Variants in RARB observed in about 807,000 individuals in gnomAD.
RARB encodes the protein retinoic acid receptor beta.
Under a neutral mutation model 51.9 loss-of-function variants are expected in RARB, and 17 were observed. The ratio of observed to expected loss-of-function variants is 0.33; its 90% confidence interval spans 0.22 to 0.49. The LOEUF is 0.49. Ranked by LOEUF, RARB falls within the 20% of genes least tolerant of loss-of-function variation. RARB has a pLI of 0.99. For missense variants in RARB, 369 were observed against 550.8 expected (o/e 0.67, Z 3.30); for synonymous variants, 215 against 195.4 (o/e 1.10, Z -0.84).
intron 1 of RARB, among the ~76,000 whole-genome samples, chr3:25,449,770 T>C (rs567981744): frequency 7.0e-6 from 1 of 142,232 alleles, no homozygotes; most frequent in South Asian, 2.2e-4. Flanking sequence ...TTTTTTTTTT[T>C]AGACGGAGTC....
rs570391200 is a variant in RARB at position 25,069,918 on chromosome 3, C to T, written c.-328+9742C>T. Among the ~76,000 whole-genome samples, 11 of 152,290 alleles carry T rather than the reference C, an allele frequency of 7.2e-5. 1 individual carries two copies. In the South Asian group the frequency reaches 2.1e-3, roughly 29 times the overall value. ...TGAGGCTGAATTGTCAGTGTAGTTTCCTAGGGCTGTCATGACGAAGTGCCA... is the reference window on the plus strand; with the variant it reads ...TGAGGCTGAATTGTCAGTGTAGTTTTCTAGGGCTGTCATGACGAAGTGCCA... On this transcript the variant is annotated intron_variant, in intron 3 of 11. Coordinates refer to the RARB transcript ENST00000383772.
chr3:25,010,939 G>T (rs905848942), intron 2 of RARB, among the ~76,000 whole-genome samples: 1 of 151,888 alleles, frequency 6.6e-6, no homozygotes, highest in African/African-American at 2.4e-5. Context: ...TGTGACCATC[G>T]AGGCCAAGGC....
chr3:25,254,491 A>G (rs1407067947), intron 5 of RARB, among the ~76,000 whole-genome samples: 1 of 152,228 alleles, frequency 6.6e-6, no homozygotes, highest in Non-Finnish European at 1.5e-5. Context: ...TGCATCAAGA[A>G]TAATGGAACT....
In RARB at chr3:25,153,429, C is replaced by T. The variant is rs146355521; in HGVS notation, c.-279-20690C>T. 5.9e-5 allele frequency among the ~76,000 whole-genome samples: 9 copies of T among 152,190 alleles called. No individual in the cohort carries two copies. In the East Asian group the frequency reaches 9.7e-4, roughly 16 times the overall value. On this transcript the variant is annotated intron_variant, in intron 4 of 11. Coordinates refer to the RARB transcript ENST00000383772. ...AGAGATAATTTCTTTATCGAGTTAC[C>T]GCCATAAAGTACACTGACTTTAGTC...
chr3:25,008,840 A>G (rs1407779163), intron 2 of RARB, among the ~76,000 whole-genome samples: 1 of 152,110 alleles, frequency 6.6e-6, no homozygotes, highest in East Asian at 1.9e-4. Flanking sequence ...AATGGCAAAT[A>G]TTTTGGTCAT....
At chr3:25,541,065 T>A (rs923213955) in intron 3 of RARB, among the ~76,000 whole-genome samples, 1 of 152,236 alleles carries the variant, frequency 6.6e-6, no homozygotes, top group Non-Finnish European at 1.5e-5. Context: ...GTAAATAAAG[T>A]TTTTTTGGAA....
intron 2 of RARB, among the ~76,000 whole-genome samples, chr3:25,055,723 C>G (rs1169651081): frequency 1.3e-5 from 2 of 151,992 alleles, no homozygotes; most frequent in Admixed American, 6.5e-5. Context: ...AGAGTAACTT[C>G]GGTTTGATCC....
At chr3:25,278,462 A>G (rs773277638) in intron 5 of RARB, among the ~76,000 whole-genome samples, 3 of 152,196 alleles carry the variant, frequency 2.0e-5, no homozygotes, top group Admixed American at 6.5e-5. Flanking sequence ...CATGTGGTCT[A>G]TAACAGTGGT....
chr3:24,850,766 CA>C (rs1702544937), intron 1 of RARB, among the ~76,000 whole-genome samples: 1 of 152,124 alleles, frequency 6.6e-6, no homozygotes, highest in Admixed American at 6.5e-5. Context: ...AGAGACTGTT[CA>C]AATGCAGATT....
intron 3 of RARB, among the ~76,000 whole-genome samples, chr3:25,553,628 C>T (rs1056139371): frequency 7.2e-5 from 11 of 152,184 alleles, no homozygotes; most frequent in Admixed American, 5.2e-4. Flanking sequence ...CATGTCGACA[C>T]TCCCTTGGCC....
At chr3:25,328,027 C>A (rs1312867122) in intron 5 of RARB, among the ~76,000 whole-genome samples, 1 of 152,144 alleles carries the variant, frequency 6.6e-6, no homozygotes, top group East Asian at 1.9e-4. Flanking sequence ...AAAACCTTAT[C>A]AAGAATTATA....
chr3:25,517,243 A>G (rs1033427040), intron 3 of RARB, among the ~76,000 whole-genome samples: 6 of 152,366 alleles, frequency 3.9e-5, no homozygotes, highest in East Asian at 1.9e-4. Context: ...GCTGTCTTCA[A>G]TGAATACAAT....
chr3:25,544,014 T>C (rs1699501561), intron 3 of RARB, among the ~76,000 whole-genome samples: 1 of 151,974 alleles, frequency 6.6e-6, no homozygotes, highest in Non-Finnish European at 1.5e-5. Context: ...TAGCATAGAG[T>C]GGGTAATAAA....
At chr3:24,994,691 T>TA (rs1366640194) in intron 2 of RARB, among the ~76,000 whole-genome samples, 3 of 151,982 alleles carry the variant, frequency 2.0e-5, no homozygotes, top group African/African-American at 7.2e-5. Context: ...GAGGGGGACA[T>TA]ATGGTTTCAT....
In RARB at chr3:24,931,239, T is replaced by C. The variant is rs529827419; in HGVS notation, c.-380+72487T>C. 3.9e-5 allele frequency among the ~76,000 whole-genome samples: 6 copies of C among 152,224 alleles called. No homozygotes were observed. The East Asian group carries it at 1.2e-3, about 29-fold the overall frequency. ...TCCATGCATGTATTTTTTAAAAATA[T>C]GTTTTAAATATAAGTGTAGTTTTTA... is the stretch of plus-strand genomic sequence containing the variant. On this transcript the variant is annotated intron_variant, in intron 2 of 11. Transcript: ENST00000383772.
intron 5 of RARB, among the ~76,000 whole-genome samples, chr3:25,288,213 T>G (rs567936676): frequency 1.4e-3 from 211 of 152,244 alleles, no homozygotes; most frequent in African/African-American, 4.8e-3. Flanking sequence ...GTAAATTTTG[T>G]TTGCACTGTA....
At chr3:25,118,016 C>T (rs1367051322) in intron 3 of RARB, among the ~76,000 whole-genome samples, 1 of 152,120 alleles carries the variant, frequency 6.6e-6, no homozygotes. Context: ...TGACACTGAG[C>T]TTTCTAGCAG....
At chr3:25,285,046 C>A (rs1288995102) in intron 5 of RARB, among the ~76,000 whole-genome samples, 1 of 152,190 alleles carries the variant, frequency 6.6e-6, no homozygotes, top group Non-Finnish European at 1.5e-5. Flanking sequence ...CTCTCTTACT[C>A]ACTTTTGCAT....
chr3:25,110,363 G>C (rs752407967), intron 3 of RARB, among the ~76,000 whole-genome samples: 1 of 152,134 alleles, frequency 6.6e-6, no homozygotes, highest in Admixed American at 6.6e-5. Context: ...TTTTGTCTCC[G>C]AGGAACTTTA....
Sources: allele counts gnomAD v4.1 joint callset (sites outside exome capture counted in the v4.1 genomes callset), GRCh38; gene constraint gnomAD v4.1.1; transcripts MANE v1.5; gene names NCBI Gene and HGNC (gene_info 2026-07-23, HGNC 2026-07-21).